PIEZO1: variants seen among roughly 807,000 people sequenced by gnomAD.
The protein encoded by PIEZO1 is piezo-type mechanosensitive ion channel component 1.
A neutral mutation model predicts 297.2 loss-of-function variants in PIEZO1; 296 were observed. The observed-to-expected ratio is 1.00, with a 90% CI of 0.91 to 1.10. PIEZO1 has a LOEUF of 1.10. Ranked by LOEUF, PIEZO1 falls within the 50% of genes least tolerant of loss-of-function variation. The pLI, the probability that PIEZO1 is intolerant of heterozygous loss-of-function variation, is 0.00. For synonymous variants in PIEZO1, 2,427 were observed against 1,507.5 expected, an observed-to-expected ratio of 1.61 and a Z score of -14.13; for missense variants, 5,018 against 3,455.5, an observed-to-expected ratio of 1.45 and a Z score of -11.34.
At chr16:88,735,806 T>A (rs1597459402) in intron 12 of PIEZO1, among the ~76,000 whole-genome samples, 1 of 151,462 alleles carries the variant, frequency 6.6e-6, no homozygotes, top group African/African-American at 2.4e-5. Context: ...TCACACACAC[T>A]GTCAGGGGCG....
In PIEZO1 at chr16:88,719,573, C is replaced by T; in HGVS notation, c.6471+1G>A. On this transcript the variant is annotated splice_donor_variant, in intron 44 of 50. Coordinates refer to ENST00000301015, the MANE Select transcript of PIEZO1 (RefSeq NM_001142864.4). LOFTEE classifies it high-confidence loss of function. Reference sequence around the variant, plus strand: ...CCGGCCCCCGCCCTGGGCCCAGGCACCTTCTCTGTCTCTCGGCTGCATTTG... The same window carrying T: ...CCGGCCCCCGCCCTGGGCCCAGGCATCTTCTCTGTCTCTCGGCTGCATTTG... 2 of 1,550,526 alleles carry T rather than the reference C, an allele frequency of 1.3e-6. No individual in the cohort carries two copies. Among genetic ancestry groups the T allele is most frequent in the East Asian group, 4.9e-5 (2 of 40,928 alleles).
At chr16:88,720,555 TG>T (rs1407180657) in intron 40 of PIEZO1, 23 bp from the exon 41 acceptor site, 3 of 1,548,512 alleles carry the variant, frequency 1.9e-6, no homozygotes, top group African/African-American at 2.7e-5. Flanking sequence ...GCGCTCAGCC[TG>T]GGCCCAGTAC....
Position 88,736,607 on chromosome 16 carries a change from G to A in PIEZO1, c.1296+32C>T, listed in dbSNP as rs1014272568. 4.0e-6 allele frequency: 6 copies of A among 1,510,532 alleles called. No homozygotes were observed. In the African/African-American group the frequency reaches 5.5e-5, roughly 14 times the overall value. The allele number at this position is 1,510,532 out of a possible 1,614,324, so 93.6% of individuals were successfully genotyped here. ...TGCCCCACACCTGCGCGGCAGAGGG[G>A]GCCGCCCACCCCAACCCCCACAGCC... On this transcript the variant is annotated intron_variant, in intron 11 of 50. Coordinates refer to ENST00000301015, the MANE Select transcript of PIEZO1 (RefSeq NM_001142864.4).
In PIEZO1 at chr16:88,734,813, G is replaced by A. The variant is rs756515126; in HGVS notation, c.1849-15C>T. ...CTGTAGTAGACCTGCCGGGTGAGGT[G>A]GGGGTGGTGAGGACCGCGGGGAGGG... On this transcript the variant is annotated splice_polypyrimidine_tract_variant and intron_variant, in intron 14 of 50. Transcript: ENST00000301015. The A allele has an allele frequency of 5.2e-6, 8 of 1,550,222 alleles. No individual in the cohort carries two copies. In the South Asian group the frequency reaches 8.3e-5, roughly 16 times the overall value.
chr16:88,771,606 C>T (rs1049463195), intron 1 of PIEZO1, among the ~76,000 whole-genome samples: 4 of 152,232 alleles, frequency 2.6e-5, no homozygotes, highest in Admixed American at 2.6e-4. Context: ...CAGCGGAGGT[C>T]CCAAGCTAGC....
In PIEZO1 at chr16:88,727,191, G is replaced by A. The variant is rs367579980; in HGVS notation, c.3303C>T (p.Ser1101=). The A allele has an allele frequency of 2.9e-5, 45 of 1,538,320 alleles. No individual in the cohort carries two copies. In the East Asian group the frequency reaches 3.2e-4, roughly 11 times the overall value. ...FRAPNSTNLI[S]DFLLLLCASQ... is the part of the protein sequence containing the mutation. ...AGGCGCACAGCAGCAGGAGAAAGTCGCCTGCAGGACACAGGAGCCGCCGCT... is the reference window on the plus strand; with the variant it reads ...AGGCGCACAGCAGCAGGAGAAAGTCACCTGCAGGACACAGGAGCCGCCGCT... Residue 1101 remains serine (S), a splice_region_variant and synonymous_variant, in exon 24 of 51, where the codon AGC becomes AGT. Transcript: ENST00000301015.
rs1211380455 is a variant in PIEZO1 at position 88,721,647 on chromosome 16, T to C, written c.5294A>G (p.Asn1765Ser). The change falls in exon 38 of 51, where the codon AAC becomes AGC. Residue 1765 changes from asparagine to serine, a missense_variant. Transcript: ENST00000301015. ...NSHVVLRRYENKPYFPPRILG... is the reference protein window; with the variant it reads ...NSHVVLRRYESKPYFPPRILG... Reference sequence around the variant, plus strand: ...GATGCGGGGCGGGAAGTAGGGCTTGTTCTCGTAGCGCCGCAGCACCACGTG... The same window carrying C: ...GATGCGGGGCGGGAAGTAGGGCTTGCTCTCGTAGCGCCGCAGCACCACGTG... The C allele has an allele frequency of 1.3e-6, 2 of 1,550,094 alleles. No homozygotes were observed. The highest frequency in any genetic ancestry group is 1.4e-5 in the African/African-American group (1 of 73,140).
In PIEZO1 at chr16:88,722,741, C is replaced by T. The variant is rs539328566; in HGVS notation, c.4669-52G>A. ...GCTGCGTCCAGCTCTTGTCCCCACA[C>T]GGGGTTTCGTGCAGTGGGCGCGGGA... is the stretch of plus-strand genomic sequence containing the variant. On this transcript the variant is annotated intron_variant, in intron 34 of 50. Coordinates refer to ENST00000301015, the MANE Select transcript of PIEZO1 (RefSeq NM_001142864.4). 2.8e-4 allele frequency: 431 copies of T among 1,527,900 alleles called. 3 individuals carry two copies. Among genetic ancestry groups the T allele is most frequent in the Non-Finnish European group, 3.6e-4 (406 of 1,138,808 alleles). 94.6% of individuals were successfully genotyped at this position (1,527,900 alleles called of 1,614,324 possible). A position where few individuals can be genotyped will look rare whatever the true frequency, so the allele number is the denominator to read the frequency against.
intron 41 of PIEZO1, 43 bp downstream of exon 41, chr16:88,720,342 T>G (rs1338226316): frequency 3.2e-6 from 5 of 1,550,132 alleles, no homozygotes; most frequent in Admixed American, 3.9e-5. Flanking sequence ...GGGTGGCTGC[T>G]GAGCTCTGCG....
At chr16:88,727,534 C>A in intron 23 of PIEZO1, 23 bp downstream of exon 23, 2 of 741,768 alleles carry the variant, frequency 2.7e-6, no homozygotes, top group Non-Finnish European at 4.0e-6. Flanking sequence ...TCTGCAGAGG[C>A]GGGGGTGGTG....
At chr16:88,725,568 G>T (rs992279129) in intron 28 of PIEZO1, 27 bp downstream of exon 28, 2 of 1,535,094 alleles carry the variant, frequency 1.3e-6, no homozygotes, top group Non-Finnish European at 1.8e-6. Flanking sequence ...GGAGGAGCCG[G>T]GGAGTCCCCG....
At chr16:88,719,207 C>A (rs1319028267) in intron 44 of PIEZO1, 1 of 260,786 alleles carries the variant, frequency 3.8e-6, no homozygotes, top group Non-Finnish European at 7.5e-6. Flanking sequence ...CCACTAGAAA[C>A]CCCTGAGTTG....
chr16:88,762,457 G>C (rs767204298), intron 1 of PIEZO1, among the ~76,000 whole-genome samples: 1 of 152,118 alleles, frequency 6.6e-6, no homozygotes, highest in Non-Finnish European at 1.5e-5. Context: ...CCTGCTGCTC[G>C]ACAATCCCGG....
chr16:88,733,692 A>G lies in PIEZO1; in HGVS notation c.2383T>C (p.Phe795Leu). ...TGCACGCGTGAGAGGACGTCCGAGA[A>G]GCCGGCTGCCAGCTCCAGCAGCCGC... Reference protein sequence around the residue: ...AERLLELAAGFSDVLSRVQVF... With the variant: ...AERLLELAAGLSDVLSRVQVF... The change falls in exon 18 of 51, where the codon TTC becomes CTC. Residue 795 changes from phenylalanine (F) to leucine (L), a missense_variant. Phe to Leu is a conservative substitution (Grantham distance 22, BLOSUM62 0). Transcript: ENST00000301015. 6.5e-7 allele frequency: 1 copy of G among 1,549,036 alleles called. No individual in the cohort carries two copies. Among genetic ancestry groups the G allele is most frequent in the East Asian group, 2.4e-5 (1 of 40,896 alleles).
At chr16:88,769,030 G>T (rs542407462) in intron 1 of PIEZO1, among the ~76,000 whole-genome samples, 14 of 152,326 alleles carry the variant, frequency 9.2e-5, no homozygotes, top group African/African-American at 3.1e-4. Context: ...AGCAGCACCC[G>T]CGCCCACACT....
At chr16:88,750,424 G>C (rs1161817192) in intron 1 of PIEZO1, among the ~76,000 whole-genome samples, 1 of 152,256 alleles carries the variant, frequency 6.6e-6, no homozygotes, top group Non-Finnish European at 1.5e-5. Context: ...GTGGGACACA[G>C]CGCGCCTTCA....
intron 2 of PIEZO1, 35 bp downstream of exon 2, chr16:88,749,349 A>G: frequency 7.3e-7 from 1 of 1,376,828 alleles, no homozygotes; most frequent in Non-Finnish European, 9.6e-7. Context: ...ACCCCCTCCC[A>G]CCCTGAGAGC....
chr16:88,780,816 G>C (rs1225630735), intron 1 of PIEZO1, among the ~76,000 whole-genome samples: 2 of 152,134 alleles, frequency 1.3e-5, no homozygotes, highest in Non-Finnish European at 2.9e-5. Flanking sequence ...CAAAAATTAG[G>C]TATGGTGCTA....
chr16:88,769,769 C>T (rs1024284494), intron 1 of PIEZO1, among the ~76,000 whole-genome samples: 4 of 117,628 alleles, frequency 3.4e-5, no homozygotes, highest in Admixed American at 9.6e-5. Flanking sequence ...GTGGGCGGAG[C>T]GTGGTGGGAA....
Sources: allele counts gnomAD v4.1 joint callset (sites outside exome capture counted in the v4.1 genomes callset), GRCh38; gene constraint gnomAD v4.1.1; transcripts MANE v1.5; gene names NCBI Gene and HGNC (gene_info 2026-07-23, HGNC 2026-07-21).